The following C16orf87 variants were observed in gnomAD, a reference collection of about 807,000 sequenced individuals.
C16orf87 encodes UPF0547 protein C16orf87.
C16orf87 carries 13 observed loss-of-function variants against 21.0 expected under a neutral mutation model. That is an observed-to-expected ratio of 0.62 (90% CI 0.40 to 0.98). The LOEUF is 0.98. C16orf87 is among the 50% of genes least tolerant of loss of function. C16orf87 has a pLI of 0.00. For missense variants in C16orf87, 113 were observed against 180.4 expected, an observed-to-expected ratio of 0.63 and a Z score of 2.14; for synonymous variants, 49 against 60.2, an observed-to-expected ratio of 0.81 and a Z score of 0.86.
chr16:46,824,890 T>TC (rs1470245510), intron 1 of C16orf87, among the ~76,000 whole-genome samples: 3 of 152,008 alleles, frequency 2.0e-5, no homozygotes. Flanking sequence ...GGTCTTGAAC[T>TC]CCTCACCTCG....
In C16orf87 at chr16:46,831,160, C is replaced by T. The variant is rs200018464; in HGVS notation, c.-11G>A. 2.5e-4 allele frequency: 394 copies of T among 1,560,250 alleles called. 1 individual carries two copies. The highest frequency in any genetic ancestry group is 2.5e-4 in the Non-Finnish European group (293 of 1,149,848). ...TCGAGTTGCAGACATGCTCCTCTCCCTTAGCGGCGGCAGCAGCGACGGCTC... is the reference window on the plus strand; with the variant it reads ...TCGAGTTGCAGACATGCTCCTCTCCTTTAGCGGCGGCAGCAGCGACGGCTC... On this transcript the variant is annotated 5_prime_UTR_variant, in exon 1 of 4. Transcript: ENST00000285697.
In C16orf87 at chr16:46,797,934, A is replaced by G. The variant is rs1967658393; in HGVS notation, c.*5018T>C. 2 of 152,192 alleles carry G rather than the reference A, an allele frequency of 1.3e-5. No individual in the cohort carries two copies. The highest frequency in any genetic ancestry group is 1.3e-4 in the Admixed American group (2 of 15,280). The allele number at this position is 152,192 out of a possible 1,614,324, so 9.4% of individuals were successfully genotyped here. ...ATACCAAGAAAAATCAGAATATTCTAAATTGAACACAAAATTACAACACAA... is the reference window on the plus strand; with the variant it reads ...ATACCAAGAAAAATCAGAATATTCTGAATTGAACACAAAATTACAACACAA... On this transcript the variant is annotated 3_prime_UTR_variant, in exon 4 of 4. Transcript: ENST00000285697.
At chr16:46,806,098 C>T (rs968468921) in intron 3 of C16orf87, among the ~76,000 whole-genome samples, 1 of 152,122 alleles carries the variant, frequency 6.6e-6, no homozygotes, top group South Asian at 2.1e-4. Context: ...TTTTTAGCCT[C>T]AATTTCACTT....
At chr16:46,809,019 C>CAAAAAAAAA (rs776311594) in intron 3 of C16orf87, among the ~76,000 whole-genome samples, 1 of 51,556 alleles carries the variant, frequency 1.9e-5, no homozygotes, top group Admixed American at 1.9e-4. Context: ...CTTTAAAAGA[C>CAAAAAAAAA]AAAAAAAAAA....
intron 2 of C16orf87, among the ~76,000 whole-genome samples, chr16:46,821,841 C>CTA (rs1301454185): frequency 6.8e-6 from 1 of 147,960 alleles, no homozygotes; most frequent in Non-Finnish European, 1.5e-5. Flanking sequence ...AGGCTGCAGA[C>CTA]TATATGTCCA....
chr16:46,803,215 A>G lies in C16orf87; in HGVS notation c.347-145T>C. On this transcript the variant is annotated intron_variant, in intron 3 of 3. Transcript: ENST00000285697. ...TTAAATGTTACTATGCTACTGAACT[A>G]AAAAGTTTTTTAAATTATACAAAGG... 3 of 431,288 alleles carry G rather than the reference A, an allele frequency of 7.0e-6. 1 individual carries two copies. Among genetic ancestry groups the G allele is most frequent in the Non-Finnish European group, 1.2e-5 (3 of 243,802 alleles). 26.7% of individuals were successfully genotyped at this position (431,288 alleles called of 1,614,324 possible).
chr16:46,820,510 T>C (rs1959376226), intron 2 of C16orf87, among the ~76,000 whole-genome samples: 1 of 152,222 alleles, frequency 6.6e-6, no homozygotes, highest in African/African-American at 2.4e-5. Flanking sequence ...ATCTTTCCAT[T>C]TCAGTACATA....
rs1010909844 is a variant in C16orf87 at position 46,809,895 on chromosome 16, G to T, written c.164-110C>A. 9.3e-6 allele frequency: 6 copies of T among 643,584 alleles called. No individual in the cohort carries two copies. In the African/African-American group the frequency reaches 1.1e-4, roughly 12 times the overall value. 39.9% of individuals were successfully genotyped at this position (643,584 alleles called of 1,614,324 possible). A position where few individuals can be genotyped will look rare whatever the true frequency, so the allele number is the denominator to read the frequency against. On this transcript the variant is annotated intron_variant, in intron 2 of 3. Coordinates refer to ENST00000285697, the MANE Select transcript of C16orf87 (RefSeq NM_001001436.4). ...AAATAGCACTAGAGTATGCTTCCTG[G>T]CATATTTCATAGAACTACAACCATA...
rs999695042 is a variant in C16orf87 at position 46,802,460 on chromosome 16, T to G, written c.*492A>C. The G allele has an allele frequency of 7.2e-5, 11 of 152,606 alleles. No individual in the cohort carries two copies. Among genetic ancestry groups the G allele is most frequent in the African/African-American group, 2.7e-4 (11 of 41,446 alleles). 9.5% of individuals were successfully genotyped at this position (152,606 alleles called of 1,614,324 possible). A position where few individuals can be genotyped will look rare whatever the true frequency, so the allele number is the denominator to read the frequency against. On this transcript the variant is annotated 3_prime_UTR_variant, in exon 4 of 4. Transcript: ENST00000285697. ...TCTTAATTCCCCATTCAATAAAATA[T>G]CGATTGCCAATTTAATAAAAGTAAA...
In C16orf87 at chr16:46,798,062, T is replaced by C. The variant is rs1967663193; in HGVS notation, c.*4890A>G. The C allele has an allele frequency of 1.3e-5, 2 of 151,856 alleles. No individual in the cohort carries two copies. 9.4% of individuals were successfully genotyped at this position (151,856 alleles called of 1,614,324 possible). Reference sequence around the variant, plus strand: ...ATCAGTGTTGAATTAAATAAATAAATAAATAAATAAGTAAATTTTAAAATC... The same window carrying C: ...ATCAGTGTTGAATTAAATAAATAAACAAATAAATAAGTAAATTTTAAAATC... On this transcript the variant is annotated 3_prime_UTR_variant, in exon 4 of 4. Transcript: ENST00000285697.
At chr16:46,805,405 G>T (rs1161196075) in intron 3 of C16orf87, among the ~76,000 whole-genome samples, 1 of 151,940 alleles carries the variant, frequency 6.6e-6, no homozygotes, top group Non-Finnish European at 1.5e-5. Context: ...ATGTTTTGGG[G>T]TTTTTTGGAA....
intron 2 of C16orf87, 112 bp from the exon 3 acceptor site, chr16:46,809,897 A>G: frequency 1.6e-6 from 1 of 640,522 alleles, no homozygotes; most frequent in Admixed American, 2.9e-5. Flanking sequence ...GCTTCCTGGC[A>G]TATTTCATAG....
At chr16:46,815,905 C>G (rs142284313) in intron 2 of C16orf87, among the ~76,000 whole-genome samples, 12 of 152,162 alleles carry the variant, frequency 7.9e-5, no homozygotes, top group African/African-American at 2.9e-4. Context: ...GGCATATACC[C>G]AAAAGAAATG....
rs1048054002 is a variant in C16orf87 at position 46,800,623 on chromosome 16, G to A, written c.*2329C>T. On this transcript the variant is annotated 3_prime_UTR_variant, in exon 4 of 4. Coordinates refer to ENST00000285697, the MANE Select transcript of C16orf87 (RefSeq NM_001001436.4). Reference sequence around the variant, plus strand: ...AATCATATCATTTATAGATATCAGAGCAGAACAAATTTTGGATTAAGTAAA... The same window carrying A: ...AATCATATCATTTATAGATATCAGAACAGAACAAATTTTGGATTAAGTAAA... 5.3e-5 allele frequency: 8 copies of A among 152,134 alleles called. No individual in the cohort carries two copies. Among genetic ancestry groups the A allele is most frequent in the African/African-American group, 1.9e-4 (8 of 41,414 alleles). The allele number at this position is 152,134 out of a possible 1,614,324, so 9.4% of individuals were successfully genotyped here.
rs565162171 is a variant in C16orf87 at position 46,821,242 on chromosome 16, T to G, written c.163+3144A>C. The stretch of plus-strand genomic sequence containing the variant: ...CTCTAACACTGGTACTATAAATCTA[T>G]CTTATAAACAAACAACAGTTGCTCA... On this transcript the variant is annotated intron_variant, in intron 2 of 3. Transcript: ENST00000285697. 2.0e-5 allele frequency among the ~76,000 whole-genome samples: 3 copies of G among 152,324 alleles called. No homozygotes were observed. The South Asian group carries it at 6.2e-4, about 32-fold the overall frequency.
intron 3 of C16orf87, among the ~76,000 whole-genome samples, chr16:46,809,101 T>C (rs1968007782): frequency 6.7e-6 from 1 of 148,430 alleles, no homozygotes; most frequent in Non-Finnish European, 1.5e-5. Context: ...AGTTCAAGAC[T>C]AGCCTGGGCA....
intron 3 of C16orf87, among the ~76,000 whole-genome samples, chr16:46,805,552 C>A (rs541128784): frequency 6.6e-6 from 1 of 152,300 alleles, no homozygotes; most frequent in East Asian, 1.9e-4. Flanking sequence ...CTTTTCCCTG[C>A]AAAATCTTGC....
intron 2 of C16orf87, among the ~76,000 whole-genome samples, chr16:46,821,631 T>A (rs1483829673): frequency 1.3e-5 from 2 of 152,220 alleles, no homozygotes; most frequent in African/African-American, 4.8e-5. Context: ...TACATAACAT[T>A]GTGCTGTTGG....
intron 2 of C16orf87, among the ~76,000 whole-genome samples, chr16:46,811,904 C>T (rs909276496): frequency 1.3e-5 from 2 of 152,276 alleles, no homozygotes. Context: ...GCCTGGGCCA[C>T]ATAGCAAGAC....
Sources: allele counts gnomAD v4.1 joint callset (sites outside exome capture counted in the v4.1 genomes callset), GRCh38; gene constraint gnomAD v4.1.1; transcripts MANE v1.5; gene names NCBI Gene and HGNC (gene_info 2026-07-23, HGNC 2026-07-21).